The following PRKN variants were observed in gnomAD, a reference collection of about 807,000 sequenced individuals.
The protein encoded by PRKN is parkin RBR E3 ubiquitin protein ligase.
PRKN carries 56 observed loss-of-function variants against 59.5 expected under a neutral mutation model. That is an observed-to-expected ratio of 0.94 (90% CI 0.76 to 1.18). The LOEUF is 1.18. PRKN is among the 50% of genes most tolerant of loss of function. The probability of loss-of-function intolerance (pLI) is 0.00; values close to 1 mark genes in which losing one functional copy is unlikely to be tolerated. For missense variants in PRKN, 657 were observed against 596.4 expected, an observed-to-expected ratio of 1.10 and a Z score of -1.06; for synonymous variants, 250 against 222.1, an observed-to-expected ratio of 1.13 and a Z score of -1.12.
At chr6:162,507,345 G>C (rs1352288554) in intron 1 of PRKN, among the ~76,000 whole-genome samples, 1 of 151,932 alleles carries the variant, frequency 6.6e-6, no homozygotes, top group Non-Finnish European at 1.5e-5. Flanking sequence ...CACTGTCCTA[G>C]AATGAAATCC....
At chr6:162,222,675 C>A (rs1325270135) in intron 3 of PRKN, among the ~76,000 whole-genome samples, 2 of 152,102 alleles carry the variant, frequency 1.3e-5, no homozygotes, top group African/African-American at 4.8e-5. Flanking sequence ...GCACTGCTCA[C>A]AATGTCTGCG....
chr6:161,986,869 T>C (rs1384543804), intron 5 of PRKN, among the ~76,000 whole-genome samples: 1 of 152,106 alleles, frequency 6.6e-6, no homozygotes, highest in African/African-American at 2.4e-5. Flanking sequence ...TACCTTTTGA[T>C]AGCAATACTT....
intron 7 of PRKN, among the ~76,000 whole-genome samples, chr6:161,682,097 C>T (rs906762478): frequency 2.0e-5 from 3 of 152,204 alleles, no homozygotes; most frequent in African/African-American, 7.2e-5. Context: ...GCGCTCTGCA[C>T]GCACTGGGCT....
In PRKN at chr6:161,400,521, C is replaced by T. The variant is rs2114978614; in HGVS notation, c.1084-13644G>A. ...CGGGGTTTCGCTTTCGCCATATTGGCCAGGCTGGTCTCAAACCCCTGACCT... is the reference window on the plus strand; with the variant it reads ...CGGGGTTTCGCTTTCGCCATATTGGTCAGGCTGGTCTCAAACCCCTGACCT... On this transcript the variant is annotated intron_variant, in intron 9 of 11. Transcript: ENST00000366898. The surrounding 1 kb of genome is among the most constrained non-coding windows in gnomAD (Gnocchi z 4.2). Among the ~76,000 whole-genome samples the T allele has an allele frequency of 6.6e-6, 1 of 152,150 alleles. No homozygotes were observed. Among genetic ancestry groups the T allele is most frequent in the South Asian group, 2.1e-4 (1 of 4,816 alleles).
At chr6:161,435,001 C>T (rs577179137) in intron 9 of PRKN, among the ~76,000 whole-genome samples, 7 of 152,110 alleles carry the variant, frequency 4.6e-5, no homozygotes, top group Admixed American at 2.0e-4. Context: ...AGCCTTTGCC[C>T]GGCATGATCT....
chr6:162,214,253 C>T (rs77315669), intron 3 of PRKN, among the ~76,000 whole-genome samples: 7 of 152,148 alleles, frequency 4.6e-5, no homozygotes, highest in South Asian at 2.1e-4. Flanking sequence ...TCCAATTGCA[C>T]GCACTTTGTT....
intron 6 of PRKN, among the ~76,000 whole-genome samples, chr6:161,787,803 C>T (rs546303534): frequency 4.0e-5 from 6 of 151,668 alleles, no homozygotes; most frequent in African/African-American, 7.3e-5. Context: ...AAAATTAGCC[C>T]GGCGTGGTGG....
intron 5 of PRKN, among the ~76,000 whole-genome samples, chr6:161,982,868 C>A (rs1781309937): frequency 1.7e-5 from 1 of 57,832 alleles, no homozygotes; most frequent in Non-Finnish European, 3.1e-5. Context: ...GTCCAAAACA[C>A]CAAAAGCAAT....
intron 3 of PRKN, among the ~76,000 whole-genome samples, chr6:162,216,473 T>C (rs1777660985): frequency 7.6e-6 from 1 of 131,288 alleles, no homozygotes; most frequent in African/African-American, 3.0e-5. Flanking sequence ...GAGCTTGCAG[T>C]GAGCCGAGAT....
At chr6:162,726,552 G>T (rs1363820553) in intron 1 of PRKN, among the ~76,000 whole-genome samples, 1 of 152,164 alleles carries the variant, frequency 6.6e-6, no homozygotes, top group African/African-American at 2.4e-5. Flanking sequence ...CAGTTAGCTG[G>T]CTTGATTCTC....
intron 7 of PRKN, among the ~76,000 whole-genome samples, chr6:161,687,409 A>G (rs1043423861): frequency 1.3e-5 from 2 of 149,348 alleles, no homozygotes; most frequent in African/African-American, 4.9e-5. Context: ...AAAAAAAAAA[A>G]AAAAAAGAAT....
chr6:162,071,452 AG>A (rs1176412773), intron 4 of PRKN, among the ~76,000 whole-genome samples: 12 of 151,436 alleles, frequency 7.9e-5, no homozygotes, highest in African/African-American at 2.9e-4. Flanking sequence ...TATAGTTTAC[AG>A]ACACCTAAAC....
chr6:161,644,837 A>C (rs2128159618), intron 7 of PRKN, among the ~76,000 whole-genome samples: 1 of 152,350 alleles, frequency 6.6e-6, no homozygotes. Context: ...AGGCTGCCCG[A>C]AATGACTCAG....
chr6:162,216,536 CAAA>C (rs35025497), intron 3 of PRKN, among the ~76,000 whole-genome samples: 33 of 34,960 alleles, frequency 9.4e-4, no homozygotes, highest in South Asian at 5.6e-3. Context: ...GACTCCGTCT[CAAA>C]AAAAAAAAAA....
At chr6:162,387,944 G>A (rs910197001) in intron 2 of PRKN, among the ~76,000 whole-genome samples, 1 of 152,156 alleles carries the variant, frequency 6.6e-6, no homozygotes, top group Non-Finnish European at 1.5e-5. Context: ...TCTGAGTGCT[G>A]GGGAACACAA....
At chr6:161,728,213 G>T (rs945470023) in intron 7 of PRKN, among the ~76,000 whole-genome samples, 1 of 150,708 alleles carries the variant, frequency 6.6e-6, no homozygotes, top group Non-Finnish European at 1.5e-5. Context: ...GGAGCTAGGA[G>T]AATGATTGTT....
chr6:161,987,034 T>G (rs1276475655), intron 5 of PRKN, among the ~76,000 whole-genome samples: 1 of 152,208 alleles, frequency 6.6e-6, no homozygotes, highest in African/African-American at 2.4e-5. Flanking sequence ...GCAAGTAGAA[T>G]TTAAAGCTTC....
At chr6:162,589,685 T>C (rs1178586249) in intron 1 of PRKN, among the ~76,000 whole-genome samples, 3 of 152,226 alleles carry the variant, frequency 2.0e-5, no homozygotes, top group Non-Finnish European at 4.4e-5. Flanking sequence ...GCAACATTTA[T>C]ATTAAAAGTA....
chr6:161,888,147 C>T (rs1245498794), intron 6 of PRKN, among the ~76,000 whole-genome samples: 1 of 152,062 alleles, frequency 6.6e-6, no homozygotes, highest in African/African-American at 2.4e-5. Flanking sequence ...TGACCATTTG[C>T]CTAATTATCA....
Sources: allele counts gnomAD v4.1 joint callset (sites outside exome capture counted in the v4.1 genomes callset), GRCh38; gene constraint gnomAD v4.1.1; non-coding constraint Gnocchi (gnomAD v3.1); transcripts MANE v1.5; gene names NCBI Gene and HGNC (gene_info 2026-07-23, HGNC 2026-07-21).